Variants in SYNDIG1L observed in about 807,000 individuals in gnomAD.
The protein encoded by SYNDIG1L is synapse differentiation-inducing gene protein 1-like.
SYNDIG1L carries 13 observed loss-of-function variants against 20.1 expected under a neutral mutation model. That is an observed-to-expected ratio of 0.65 (90% confidence interval 0.42 to 1.03). SYNDIG1L has a LOEUF of 1.03. Among genes scored for constraint, SYNDIG1L ranks in the 50% least tolerant of loss-of-function variants. The pLI, the probability that SYNDIG1L is intolerant of heterozygous loss-of-function variation, is 0.00. For synonymous variants in SYNDIG1L, 128 were observed against 129.3 expected, an observed-to-expected ratio of 0.99 and a Z score of 0.07; for missense variants, 294 against 305.1, an observed-to-expected ratio of 0.96 and a Z score of 0.27.
the SYNDIG1L span, among the ~76,000 whole-genome samples, chr14:74,442,099 C>T: frequency 6.6e-6 from 1 of 152,008 alleles, no homozygotes; most frequent in Non-Finnish European, 1.5e-5. Flanking sequence ...ATAATAGTAC[C>T]TTTCTTTAAA....
intron 1 of SYNDIG1L, among the ~76,000 whole-genome samples, chr14:74,420,357 C>T (rs2086211691): frequency 6.7e-6 from 1 of 149,220 alleles, no homozygotes; most frequent in Non-Finnish European, 1.5e-5. Context: ...GATCATGCCA[C>T]CCACCAGCCT....
chr14:74,457,706 G>A, the SYNDIG1L span, among the ~76,000 whole-genome samples: 44 of 152,032 alleles, frequency 2.9e-4, no homozygotes, highest in Non-Finnish European at 5.3e-4. Flanking sequence ...AAAGCCATAC[G>A]CTCCATTTCC....
chr14:74,429,030 CTCTT>C (rs1420978759), upstream of SYNDIG1L, among the ~76,000 whole-genome samples: 4 of 152,180 alleles, frequency 2.6e-5, no homozygotes, highest in African/African-American at 7.2e-5. Flanking sequence ...TAGGCACTCT[CTCTT>C]TTTTTAAAAT....
At chr14:74,422,851 A>G (rs2086234421) in intron 1 of SYNDIG1L, among the ~76,000 whole-genome samples, 1 of 151,632 alleles carries the variant, frequency 6.6e-6, no homozygotes, top group African/African-American at 2.4e-5. Context: ...AGCTGAAGTT[A>G]CATGCCTGGC....
chr14:74,477,118 AACACAC>A, the SYNDIG1L span, among the ~76,000 whole-genome samples: 13 of 83,144 alleles, frequency 1.6e-4, no homozygotes, highest in African/African-American at 2.1e-4. Context: ...CCCCATTCCC[AACACAC>A]ACACACACAC....
chr14:74,457,008 T>C, the SYNDIG1L span, among the ~76,000 whole-genome samples: 6 of 152,128 alleles, frequency 3.9e-5, no homozygotes, highest in Non-Finnish European at 7.4e-5. Context: ...GTTTTGGAAA[T>C]TGGCTAATTT....
At chr14:74,457,724 G>A in the SYNDIG1L span, among the ~76,000 whole-genome samples, 15 of 152,080 alleles carry the variant, frequency 9.9e-5, no homozygotes, top group East Asian at 1.9e-3. Context: ...TCCCCTCCCA[G>A]GGGACTCTTG....
the SYNDIG1L span, among the ~76,000 whole-genome samples, chr14:74,477,905 G>A: frequency 6.6e-6 from 1 of 152,160 alleles, no homozygotes; most frequent in African/African-American, 2.4e-5. Flanking sequence ...ACTCACGGGG[G>A]CGTCTGTGAA....
At chr14:74,436,299 T>G in the SYNDIG1L span, among the ~76,000 whole-genome samples, 1 of 151,690 alleles carries the variant, frequency 6.6e-6, no homozygotes, top group Non-Finnish European at 1.5e-5. Flanking sequence ...TGCCATCATA[T>G]CTCACTGCAG....
At chr14:74,472,166 T>G in the SYNDIG1L span, 3 of 152,164 alleles carry the variant, frequency 2.0e-5, no homozygotes, top group Non-Finnish European at 2.9e-5. Flanking sequence ...ATTTATTGAT[T>G]TCAAAACCCA....
At chr14:74,426,719 GC>G (rs1417999699), upstream of SYNDIG1L, among the ~76,000 whole-genome samples, 4 of 19,858 alleles carry the variant, frequency 2.0e-4, no homozygotes, top group Admixed American at 4.5e-4. Flanking sequence ...CCCTCCCCCT[GC>G]CCCCCTCCCC....
intron 1 of SYNDIG1L, among the ~76,000 whole-genome samples, chr14:74,413,748 A>G (rs1309614404): frequency 6.6e-6 from 1 of 151,674 alleles, no homozygotes; most frequent in Non-Finnish European, 1.5e-5. Flanking sequence ...TGAGCACAGC[A>G]TTAAAGCCTG....
the SYNDIG1L span, among the ~76,000 whole-genome samples, chr14:74,470,753 A>G: frequency 0.029 from 4,402 of 152,274 alleles, 114 homozygotes; most frequent in African/African-American, 0.068. Flanking sequence ...GCTCAGCGCA[A>G]TAGTTTGTTA....
At chr14:74,479,673 C>A in the SYNDIG1L span, 1 of 165,162 alleles carries the variant, frequency 6.1e-6, no homozygotes, top group Admixed American at 5.8e-5. Flanking sequence ...GTTCCTTCAA[C>A]CTTTCAGGCG....
At chr14:74,424,707 T>C (rs1595200292) in intron 1 of SYNDIG1L, among the ~76,000 whole-genome samples, 1 of 151,234 alleles carries the variant, frequency 6.6e-6, no homozygotes, top group Non-Finnish European at 1.5e-5. Context: ...GAAGAGGGGG[T>C]AGGGGTGACA....
the SYNDIG1L span, among the ~76,000 whole-genome samples, chr14:74,434,139 G>A: frequency 2.6e-5 from 4 of 152,232 alleles, no homozygotes; most frequent in Non-Finnish European, 4.4e-5. Context: ...GTTGTCCCTT[G>A]ATGGAGGTAA....
chr14:74,432,496 G>A, the SYNDIG1L span, among the ~76,000 whole-genome samples: 2 of 152,166 alleles, frequency 1.3e-5, no homozygotes, highest in Non-Finnish European at 2.9e-5. Context: ...TTAACAGCTA[G>A]AGTAGTGAAG....
chr14:74,435,424 G>A, the SYNDIG1L span, among the ~76,000 whole-genome samples: 3 of 152,332 alleles, frequency 2.0e-5, no homozygotes, highest in Admixed American at 2.0e-4. Flanking sequence ...AGAATCTTCT[G>A]TAGAATTCAA....
chr14:74,409,178 A>G (rs1223300437), intron 2 of SYNDIG1L, 150 bp downstream of exon 2: 7 of 512,386 alleles, frequency 1.4e-5, no homozygotes, highest in Non-Finnish European at 2.3e-5. Flanking sequence ...TCCTGGGCTC[A>G]AGCAATCCTC....
Sources: allele counts gnomAD v4.1 joint callset (sites outside exome capture counted in the v4.1 genomes callset), GRCh38; gene constraint gnomAD v4.1.1; transcripts MANE v1.5; gene names NCBI Gene and HGNC (gene_info 2026-07-23, HGNC 2026-07-21).